Variants in PIGK observed in about 807,000 individuals in gnomAD.
PIGK encodes the protein phosphatidylinositol glycan anchor biosynthesis class K.
A neutral mutation model predicts 50.6 loss-of-function variants in PIGK; 42 were observed. The ratio of observed to expected loss-of-function variants is 0.83; its 90% confidence interval spans 0.65 to 1.07. The LOEUF is 1.07. Ranked by LOEUF, PIGK falls within the 50% of genes least tolerant of loss-of-function variation. PIGK has a pLI of 0.00. For missense variants in PIGK, 448 were observed against 488.7 expected (o/e 0.92, Z 0.78); for synonymous variants, 151 against 156.0 (o/e 0.97, Z 0.24).
At chr1:77,210,171 T>C (rs545112252) in intron 2 of PIGK, among the ~76,000 whole-genome samples, 2 of 152,168 alleles carry the variant, frequency 1.3e-5, no homozygotes, top group South Asian at 2.1e-4. Flanking sequence ...CTACCTCTTA[T>C]AAAATGTTTC....
chr1:77,150,734 C>T (rs1292680941), intron 9 of PIGK, among the ~76,000 whole-genome samples: 1 of 151,938 alleles, frequency 6.6e-6, no homozygotes, highest in East Asian at 1.9e-4. Context: ...GCCGAAAAAA[C>T]TGGAAAATCT....
At chr1:77,111,970 CTGAT>C (rs1448188579) in intron 10 of PIGK, among the ~76,000 whole-genome samples, 1 of 151,898 alleles carries the variant, frequency 6.6e-6, no homozygotes, top group African/African-American at 2.4e-5. Context: ...ATTAAATACA[CTGAT>C]TAGGCACTGC....
At chr1:77,218,244 G>T (rs1263836032) in intron 1 of PIGK, among the ~76,000 whole-genome samples, 2 of 152,188 alleles carry the variant, frequency 1.3e-5, no homozygotes, top group South Asian at 2.1e-4. Context: ...ATATTTAAAA[G>T]ATTTCATCAG....
intron 9 of PIGK, among the ~76,000 whole-genome samples, chr1:77,150,489 C>CAAAAAAAA (rs541372066): frequency 1.2e-5 from 1 of 86,080 alleles, no homozygotes. Flanking sequence ...GACTCAATCT[C>CAAAAAAAA]AAAAAAAAAA....
At chr1:77,106,791 AAT>A (rs1282227885) in intron 10 of PIGK, among the ~76,000 whole-genome samples, 1 of 152,036 alleles carries the variant, frequency 6.6e-6, no homozygotes, top group Non-Finnish European at 1.5e-5. Flanking sequence ...TCTACATATC[AAT>A]ATATAATTTA....
At chr1:77,099,776 T>C (rs72681883) in intron 10 of PIGK, among the ~76,000 whole-genome samples, 5,587 of 152,296 alleles carry the variant, frequency 0.037, 203 homozygotes, top group South Asian at 0.21. Flanking sequence ...TGTAATTTCA[T>C]TTGTGTCCAT....
intron 3 of PIGK, among the ~76,000 whole-genome samples, chr1:77,193,133 C>T (rs1005206755): frequency 6.6e-6 from 1 of 152,102 alleles, no homozygotes; most frequent in African/African-American, 2.4e-5. Context: ...CCAAAGGAAG[C>T]AAATTCTTTT....
At chr1:77,095,669 C>T (rs1653390442) in intron 10 of PIGK, among the ~76,000 whole-genome samples, 1 of 152,070 alleles carries the variant, frequency 6.6e-6, no homozygotes, top group Non-Finnish European at 1.5e-5. Flanking sequence ...CAGGGAAAAC[C>T]CTGTTAGTAG....
chr1:77,157,214 T>G (rs569825807), intron 8 of PIGK, among the ~76,000 whole-genome samples: 1 of 152,270 alleles, frequency 6.6e-6, no homozygotes, highest in South Asian at 2.1e-4. Flanking sequence ...AGAAAATAGG[T>G]ATTATTATAC....
chr1:77,170,365 G>C (rs1432368476), intron 3 of PIGK, among the ~76,000 whole-genome samples: 2 of 152,120 alleles, frequency 1.3e-5, no homozygotes, highest in Admixed American at 6.5e-5. Context: ...AATATGCCAA[G>C]CCTTTCCCAC....
At chr1:77,178,449 T>C (rs760175833) in intron 3 of PIGK, among the ~76,000 whole-genome samples, 1 of 152,352 alleles carries the variant, frequency 6.6e-6, no homozygotes, top group East Asian at 1.9e-4. Flanking sequence ...AATTCTCTTA[T>C]GAAAGGTATG....
chr1:77,150,452 T>G lies in PIGK; in HGVS notation c.986+3997A>C, dbSNP rs192174300. Among the ~76,000 whole-genome samples, 157 of 144,300 alleles carry G rather than the reference T, an allele frequency of 1.1e-3. 1 individual carries two copies. The highest frequency in any genetic ancestry group is 3.8e-3 in the African/African-American group (148 of 38,496). The allele number at this position is 144,300 out of a possible 152,430, so 94.7% of individuals were successfully genotyped here. A position where few individuals can be genotyped will look rare whatever the true frequency, so the allele number is the denominator to read the frequency against. On this transcript the variant is annotated intron_variant, in intron 9 of 10. Coordinates refer to ENST00000370812, the MANE Select transcript of PIGK (RefSeq NM_005482.3). ...AAAAGGATCGCTTGAGCCCAGGAGT[T>G]CCAGACTAGCTTGAGCAACAGAGCA...
At chr1:77,129,121 G>A (rs1011155794) in intron 9 of PIGK, 4 of 1,070,040 alleles carry the variant, frequency 3.7e-6, no homozygotes, top group African/African-American at 1.6e-5. Context: ...AAAATGGTTC[G>A]CTACTCACTT....
chr1:77,217,668 GAA>G (rs534185720), intron 1 of PIGK, among the ~76,000 whole-genome samples: 8 of 152,162 alleles, frequency 5.3e-5, no homozygotes, highest in Non-Finnish European at 1.2e-4. Flanking sequence ...AAACATTTAG[GAA>G]ACTGTTGCTC....
intron 9 of PIGK, among the ~76,000 whole-genome samples, chr1:77,127,516 T>C (rs902626709): frequency 7.9e-5 from 12 of 152,232 alleles, no homozygotes; most frequent in South Asian, 4.1e-4. Context: ...CTGGGTTACA[T>C]AGTGAGACCC....
At chr1:77,202,287 C>T (rs1656187901) in intron 3 of PIGK, among the ~76,000 whole-genome samples, 1 of 152,114 alleles carries the variant, frequency 6.6e-6, no homozygotes, top group Non-Finnish European at 1.5e-5. Context: ...CATAGTATAA[C>T]ATCCAGCCTT....
intron 3 of PIGK, among the ~76,000 whole-genome samples, chr1:77,206,096 C>T (rs997042324): frequency 2.0e-5 from 3 of 152,100 alleles, no homozygotes; most frequent in Non-Finnish European, 4.4e-5. Flanking sequence ...GCAATAGCAA[C>T]ATTAAGTTTC....
chr1:77,208,611 T>C (rs1656346826), intron 2 of PIGK, among the ~76,000 whole-genome samples: 1 of 152,214 alleles, frequency 6.6e-6, no homozygotes, highest in Non-Finnish European at 1.5e-5. Flanking sequence ...TAGTTCTCCT[T>C]ACTTTTAAGT....
chr1:77,118,436 C>T (rs1654026155), intron 10 of PIGK, among the ~76,000 whole-genome samples: 1 of 152,096 alleles, frequency 6.6e-6, no homozygotes, highest in Non-Finnish European at 1.5e-5. Context: ...GATGGGGTTT[C>T]ACTCTGTTGC....
Sources: allele counts gnomAD v4.1 joint callset (sites outside exome capture counted in the v4.1 genomes callset), GRCh38; gene constraint gnomAD v4.1.1; transcripts MANE v1.5; gene names NCBI Gene and HGNC (gene_info 2026-07-23, HGNC 2026-07-21).